The following FBLN5 variants were observed in gnomAD, a reference collection of about 807,000 sequenced individuals.
FBLN5 encodes fibulin 5.
FBLN5 carries 24 observed loss-of-function variants against 61.6 expected under a neutral mutation model. That is an observed-to-expected ratio of 0.39 (90% CI 0.28 to 0.55). The LOEUF (loss-of-function observed/expected upper bound fraction) is 0.55, where lower values mean the gene tolerates loss of function less well. Ranked by LOEUF, FBLN5 falls within the 20% of genes least tolerant of loss-of-function variation. The pLI is 0.65. For synonymous variants in FBLN5, 213 were observed against 219.8 expected (o/e 0.97, Z 0.27); for missense variants, 470 against 594.1 (o/e 0.79, Z 2.17).
chr14:91,907,133 G>A (rs984332631), intron 4 of FBLN5, among the ~76,000 whole-genome samples: 2 of 152,192 alleles, frequency 1.3e-5, no homozygotes, highest in Non-Finnish European at 2.9e-5. Context: ...TCACAGTGAA[G>A]TGTGGCTATG....
chr14:91,893,237 T>C (rs111961504), intron 5 of FBLN5, among the ~76,000 whole-genome samples: 2 of 152,254 alleles, frequency 1.3e-5, no homozygotes, highest in African/African-American at 4.8e-5. Flanking sequence ...TCAACATCCT[T>C]TCCAGCTCTG....
chr14:91,940,466 T>C, intron 3 of FBLN5, 99 bp downstream of exon 3: 7 of 994,798 alleles, frequency 7.0e-6, no homozygotes, highest in Non-Finnish European at 1.1e-5. Flanking sequence ...TATTCTCCCA[T>C]GGGCATGGCT....
chr14:91,944,379 A>G (rs906590506), intron 1 of FBLN5, among the ~76,000 whole-genome samples: 28 of 152,244 alleles, frequency 1.8e-4, no homozygotes, highest in African/African-American at 6.5e-4. Flanking sequence ...TGCAGTCTCT[A>G]TGGAAAACAG....
chr14:91,942,810 C>T, intron 2 of FBLN5, 97 bp downstream of exon 2: 1 of 773,774 alleles, frequency 1.3e-6, no homozygotes, highest in Non-Finnish European at 2.2e-6. Context: ...AAGCCACTCC[C>T]ACCCCCACAA....
At chr14:91,911,398 T>C (rs1284769561) in intron 4 of FBLN5, among the ~76,000 whole-genome samples, 1 of 152,238 alleles carries the variant, frequency 6.6e-6, no homozygotes, top group Non-Finnish European at 1.5e-5. Flanking sequence ...CATGGGGTTT[T>C]GTGAGAATCA....
At position 91,882,175 on chromosome 14, in the gene FBLN5, G is replaced by GAAAGA. The variant is rs1939261402; in HGVS notation, c.863-762_863-758dup. Among the ~76,000 whole-genome samples, 1 of 152,006 alleles carries GAAAGA rather than the reference G, an allele frequency of 6.6e-6. No homozygotes were observed. The highest frequency in any genetic ancestry group is 1.5e-5 in the Non-Finnish European group (1 of 67,988). On this transcript the variant is annotated intron_variant, in intron 8 of 10. Coordinates refer to ENST00000342058, the MANE Select transcript of FBLN5 (RefSeq NM_006329.4). The surrounding 1 kb of genome is among the most constrained non-coding windows in gnomAD (Gnocchi z 4.9). ...CTGTCACAAAAAGAAAAAAAAGAAA[G>GAAAGA]AAAGAAAAGAAAATATAGTAGTAAA... is the stretch of plus-strand genomic sequence containing the variant.
At chr14:91,911,401 G>A (rs1447482379) in intron 4 of FBLN5, among the ~76,000 whole-genome samples, 6 of 152,216 alleles carry the variant, frequency 3.9e-5, no homozygotes, top group African/African-American at 1.4e-4. Context: ...GGGGTTTTGT[G>A]AGAATCACAC....
intron 10 of FBLN5, among the ~76,000 whole-genome samples, chr14:91,876,917 T>C (rs1169185849): frequency 1.3e-5 from 2 of 152,066 alleles, no homozygotes; most frequent in African/African-American, 4.8e-5. Context: ...AACTTCGACC[T>C]CCTGGGCTCA....
In FBLN5 at chr14:91,881,561, G is replaced by A. The variant is rs1051928421; in HGVS notation, c.863-143C>T. ...GGCCATATGTGGCTACTGAGTACTT[G>A]GAATGTGGCTGATCCAAATTGAGAT... On this transcript the variant is annotated intron_variant, in intron 8 of 10. Coordinates refer to ENST00000342058, the MANE Select transcript of FBLN5 (RefSeq NM_006329.4). The A allele has an allele frequency of 1.6e-5, 14 of 868,296 alleles. No homozygotes were observed. In the African/African-American group the frequency reaches 2.3e-4, roughly 14 times the overall value. The allele number at this position is 868,296 out of a possible 1,614,324, so 53.8% of individuals were successfully genotyped here. A position where few individuals can be genotyped will look rare whatever the true frequency, so the allele number is the denominator to read the frequency against.
intron 4 of FBLN5, among the ~76,000 whole-genome samples, chr14:91,922,051 A>G (rs1268433716): frequency 6.6e-6 from 1 of 152,166 alleles, no homozygotes; most frequent in East Asian, 1.9e-4. Context: ...TAGTCCCAGC[A>G]CTTTGGGAGG....
chr14:91,899,031 T>C (rs938569436), intron 4 of FBLN5, among the ~76,000 whole-genome samples: 2 of 152,048 alleles, frequency 1.3e-5, no homozygotes, highest in African/African-American at 2.4e-5. Flanking sequence ...CTCTATCTCC[T>C]GACCTCGTGA....
At chr14:91,918,376 C>G (rs2055663382) in intron 4 of FBLN5, among the ~76,000 whole-genome samples, 1 of 152,074 alleles carries the variant, frequency 6.6e-6, no homozygotes, top group Admixed American at 6.6e-5. Context: ...GATTTTCAGC[C>G]AAGAAACAAG....
At chr14:91,897,675 T>A (rs1216380023) in intron 4 of FBLN5, among the ~76,000 whole-genome samples, 1 of 152,230 alleles carries the variant, frequency 6.6e-6, no homozygotes, top group Non-Finnish European at 1.5e-5. Context: ...ATCGTGGGCA[T>A]GTGTGCGAAG....
chr14:91,903,827 C>G (rs1481838532), intron 4 of FBLN5, among the ~76,000 whole-genome samples: 1 of 152,182 alleles, frequency 6.6e-6, no homozygotes, highest in African/African-American at 2.4e-5. Flanking sequence ...CTTACATCCC[C>G]TACCCCAAAG....
chr14:91,927,847 G>C (rs1488186671), intron 4 of FBLN5, among the ~76,000 whole-genome samples: 1 of 152,224 alleles, frequency 6.6e-6, no homozygotes, highest in Non-Finnish European at 1.5e-5. Context: ...CACACAACTG[G>C]CTAATTCCAG....
chr14:91,921,305 T>C (rs971670253), intron 4 of FBLN5, among the ~76,000 whole-genome samples: 5 of 152,130 alleles, frequency 3.3e-5, no homozygotes, highest in African/African-American at 1.2e-4. Context: ...TGCAAGACGA[T>C]TGATTATGAA....
intron 7 of FBLN5, among the ~76,000 whole-genome samples, chr14:91,883,877 C>A (rs527576470): frequency 3.3e-4 from 50 of 152,198 alleles, no homozygotes; most frequent in African/African-American, 1.2e-3. Context: ...TGGGCTATGG[C>A]GGTTGATGCA....
chr14:91,884,023 A>C (rs1052199097), intron 7 of FBLN5, among the ~76,000 whole-genome samples: 3 of 152,132 alleles, frequency 2.0e-5, no homozygotes, highest in Admixed American at 6.6e-5. Context: ...TTTCCCAAAA[A>C]CTTGCTTTCA....
At chr14:91,870,447 C>G in intron 10 of FBLN5, 62 bp from the exon 11 acceptor site, 1 of 1,550,880 alleles carries the variant, frequency 6.4e-7, no homozygotes, top group Non-Finnish European at 8.9e-7. Flanking sequence ...TGCAGCCCCA[C>G]CTGGGCGCTC....
Sources: gnomAD v4.1 joint callset for allele counts (sites outside exome capture counted in the v4.1 genomes callset) on GRCh38, gnomAD v4.1.1 for gene constraint, Gnocchi (gnomAD v3.1) non-coding constraint, MANE v1.5 for transcripts, NCBI Gene and HGNC (gene_info 2026-07-23, HGNC 2026-07-21) for gene names.